PRKCB: variants seen among roughly 807,000 people sequenced by gnomAD.
PRKCB encodes the protein protein kinase C beta.
In PRKCB, 13 loss-of-function variants were observed where a neutral mutation model predicts 81.5. The ratio of observed to expected loss-of-function variants is 0.16; its 90% CI spans 0.10 to 0.25. The LOEUF (loss-of-function observed/expected upper bound fraction) is 0.25, where lower values mean the gene tolerates loss of function less well. PRKCB is among the 10% of genes least tolerant of loss of function. PRKCB has a pLI of 1.00. For synonymous variants in PRKCB, 335 were observed against 321.4 expected, an observed-to-expected ratio of 1.04 and a Z score of -0.45; for missense variants, 509 against 875.7, an observed-to-expected ratio of 0.58 and a Z score of 5.29.
At chr16:24,144,421 C>A (rs1363914598) in intron 9 of PRKCB, among the ~76,000 whole-genome samples, 1 of 152,192 alleles carries the variant, frequency 6.6e-6, no homozygotes, top group Non-Finnish European at 1.5e-5. Flanking sequence ...GCCTCAGCCT[C>A]CCAAGTAACT....
intron 9 of PRKCB, among the ~76,000 whole-genome samples, chr16:24,139,216 A>G (rs1329166659): frequency 6.6e-6 from 1 of 152,170 alleles, no homozygotes; most frequent in Non-Finnish European, 1.5e-5. Context: ...CTCCAAGTTC[A>G]TGAACATTTA....
At chr16:23,860,155 T>C (rs559241505) in intron 2 of PRKCB, among the ~76,000 whole-genome samples, 48 of 152,276 alleles carry the variant, frequency 3.2e-4, no homozygotes, top group African/African-American at 1.1e-3. Context: ...GGGTGAATGA[T>C]AATAGGACCT....
intron 9 of PRKCB, among the ~76,000 whole-genome samples, chr16:24,150,002 T>G (rs1436036800): frequency 6.6e-6 from 1 of 152,216 alleles, no homozygotes; most frequent in African/African-American, 2.4e-5. Flanking sequence ...CTCAAACATC[T>G]ATTTTATTCC....
intron 5 of PRKCB, among the ~76,000 whole-genome samples, chr16:24,076,932 C>T (rs1966185589): frequency 6.6e-6 from 1 of 152,180 alleles, no homozygotes; most frequent in Non-Finnish European, 1.5e-5. Flanking sequence ...AGACATTCTT[C>T]CAGAACACTC....
chr16:24,218,409 G>A lies in PRKCB; in HGVS notation c.*3593G>A, dbSNP rs752970001. On this transcript the variant is annotated 3_prime_UTR_variant, in exon 17 of 17. Coordinates refer to ENST00000643927, the MANE Select transcript of PRKCB (RefSeq NM_002738.7). ...AAGACAAAAAGGGCAGGTGGGACAT[G>A]GTAGAGATGGACCCTACCCAGGAAA... The A allele has an allele frequency of 1.2e-5, 12 of 985,256 alleles. No homozygotes were observed. Among genetic ancestry groups the A allele is most frequent in the Non-Finnish European group, 1.4e-5 (12 of 829,934 alleles). 61.0% of individuals were successfully genotyped at this position (985,256 alleles called of 1,614,324 possible).
At chr16:24,020,410 C>T (rs1965343001) in intron 3 of PRKCB, among the ~76,000 whole-genome samples, 1 of 152,134 alleles carries the variant, frequency 6.6e-6, no homozygotes, top group South Asian at 2.1e-4. Context: ...GACTTTTGCA[C>T]CTACCTAATA....
At chr16:23,917,275 G>T (rs1173120610) in intron 2 of PRKCB, among the ~76,000 whole-genome samples, 1 of 152,040 alleles carries the variant, frequency 6.6e-6, no homozygotes, top group Non-Finnish European at 1.5e-5. Flanking sequence ...TAGAGATAGG[G>T]TTTTGCCATG....
rs142800868 is a variant in PRKCB, at chr16:23,995,391, G to A, written c.288+6801G>A. ...CCAATGGTGGTTGGTTAGTGGCAGA[G>A]AGGGATACTGTGTGGGGCCTTTGGC... On this transcript the variant is annotated intron_variant, in intron 3 of 16. Coordinates refer to ENST00000643927, the MANE Select transcript of PRKCB (RefSeq NM_002738.7). Among the ~76,000 whole-genome samples, 10 of 152,356 alleles carry A rather than the reference G, an allele frequency of 6.6e-5. No homozygotes were observed. The East Asian group carries it at 1.9e-3, about 29-fold the overall frequency.
chr16:24,019,635 G>A (rs1384291115), intron 3 of PRKCB, among the ~76,000 whole-genome samples: 1 of 152,026 alleles, frequency 6.6e-6, no homozygotes, highest in South Asian at 2.1e-4. Flanking sequence ...ATGGTAGCGT[G>A]CACCAGTAGT....
intron 4 of PRKCB, among the ~76,000 whole-genome samples, chr16:24,032,889 G>A (rs1965567085): frequency 6.6e-6 from 1 of 152,242 alleles, no homozygotes; most frequent in South Asian, 2.1e-4. Context: ...CATTTCTGCA[G>A]CCATGCACCA....
intron 2 of PRKCB, among the ~76,000 whole-genome samples, chr16:23,860,319 G>A (rs1962644713): frequency 6.6e-6 from 1 of 152,112 alleles, no homozygotes; most frequent in South Asian, 2.1e-4. Context: ...ATCATGAATA[G>A]CAGCAGAGAA....
At chr16:24,173,411 C>T (rs544520249) in intron 11 of PRKCB, among the ~76,000 whole-genome samples, 2 of 152,246 alleles carry the variant, frequency 1.3e-5, no homozygotes, top group African/African-American at 4.8e-5. Context: ...AGAACCCCAC[C>T]TTGTCATACT....
At chr16:23,885,463 C>T (rs1296161987) in intron 2 of PRKCB, among the ~76,000 whole-genome samples, 2 of 152,120 alleles carry the variant, frequency 1.3e-5, no homozygotes, top group Non-Finnish European at 2.9e-5. Context: ...CGCCCGCCAC[C>T]ACGCCCAGCT....
chr16:24,218,267 A>T lies in PRKCB; in HGVS notation c.*3451A>T. 3.0e-6 allele frequency: 3 copies of T among 985,384 alleles called. No homozygotes were observed. The highest frequency in any genetic ancestry group is 3.6e-6 in the Non-Finnish European group (3 of 829,934). The allele number at this position is 985,384 out of a possible 1,614,324, so 61.0% of individuals were successfully genotyped here. A position where few individuals can be genotyped will look rare whatever the true frequency, so the allele number is the denominator to read the frequency against. ...CTTGTGGGGATTGGGAGAGAGATGC[A>T]CAGACAATATTAAAGAGGAGGCATT... On this transcript the variant is annotated 3_prime_UTR_variant, in exon 17 of 17. Transcript: ENST00000643927.
intron 2 of PRKCB, among the ~76,000 whole-genome samples, chr16:23,915,782 A>G (rs1321715874): frequency 6.7e-6 from 1 of 149,446 alleles, no homozygotes; most frequent in African/African-American, 2.4e-5. Flanking sequence ...CTTGCTTATG[A>G]TAGAACAATT....
At chr16:24,164,203 G>A (rs1310749334) in intron 10 of PRKCB, among the ~76,000 whole-genome samples, 2 of 152,252 alleles carry the variant, frequency 1.3e-5, no homozygotes, top group East Asian at 3.9e-4. Flanking sequence ...GCTGTCTTAG[G>A]GGAAGATTGT....
chr16:23,990,457 C>CG (rs1299712122), intron 3 of PRKCB, among the ~76,000 whole-genome samples: 4 of 138,450 alleles, frequency 2.9e-5, no homozygotes, highest in African/African-American at 1.1e-4. Context: ...GACTCTGTCT[C>CG]GAAAAAAAAG....
chr16:23,901,134 A>C (rs1416429876), intron 2 of PRKCB, among the ~76,000 whole-genome samples: 1 of 152,102 alleles, frequency 6.6e-6, no homozygotes, highest in Non-Finnish European at 1.5e-5. Flanking sequence ...ATTGCCAAGG[A>C]TAGTTTGAAA....
Position 24,187,684 on chromosome 16 carries a change from GTTTTGTTTTGTTTT to G in PRKCB, c.1722+2118_1722+2131del, listed in dbSNP as rs1567406387. Among the ~76,000 whole-genome samples, 16 of 142,480 alleles carry G rather than the reference GTTTTGTTTTGTTTT, an allele frequency of 1.1e-4. 1 individual carries two copies. Among genetic ancestry groups the G allele is most frequent in the African/African-American group, 4.3e-4 (16 of 37,142 alleles). The allele number at this position is 142,480 out of a possible 152,430, so 93.5% of individuals were successfully genotyped here. On this transcript the variant is annotated intron_variant, in intron 15 of 16. Transcript: ENST00000643927. ...GTTTTGTTTTGTTTTGTTTTGTTTT[GTTTTGTTTTGTTTT>G]ATCAATGTCTCGCTCTGTCGCCCAG... is the stretch of plus-strand genomic sequence containing the variant.
Sources: allele counts gnomAD v4.1 joint callset (sites outside exome capture counted in the v4.1 genomes callset), GRCh38; gene constraint gnomAD v4.1.1; transcripts MANE v1.5; gene names NCBI Gene and HGNC (gene_info 2026-07-23, HGNC 2026-07-21).